CSMD1: variants seen among roughly 807,000 people sequenced by gnomAD.
The protein encoded by CSMD1 is CUB and Sushi multiple domains 1, also known as CUB and sushi domain-containing protein 1.
CSMD1 carries 213 observed loss-of-function variants against 417.5 expected under a neutral mutation model. The observed-to-expected ratio is 0.51, with a 90% confidence interval of 0.46 to 0.57. CSMD1 has a LOEUF of 0.57. CSMD1 is among the 20% of genes least tolerant of loss of function. CSMD1 has a pLI of 0.00. For missense variants in CSMD1, 6,923 were observed against 4,529.7 expected, an observed-to-expected ratio of 1.53 and a Z score of -15.17; for synonymous variants, 2,862 against 1,736.8, an observed-to-expected ratio of 1.65 and a Z score of -16.11.
intron 8 of CSMD1, among the ~76,000 whole-genome samples, chr8:3,615,863 G>C (rs961943838): frequency 1.3e-5 from 2 of 151,962 alleles, no homozygotes; most frequent in Non-Finnish European, 2.9e-5. Context: ...CATCCATCTT[G>C]TAAGATGGAA....
chr8:4,278,043 A>G (rs1796583088), intron 3 of CSMD1, among the ~76,000 whole-genome samples: 1 of 152,088 alleles, frequency 6.6e-6, no homozygotes, highest in Non-Finnish European at 1.5e-5. Context: ...CACGGCGCCC[A>G]ACCCCCTTTC....
intron 5 of CSMD1, among the ~76,000 whole-genome samples, chr8:3,782,727 G>A (rs1799249347): frequency 6.6e-6 from 1 of 152,172 alleles, no homozygotes; most frequent in Non-Finnish European, 1.5e-5. Flanking sequence ...GGAGCTGGGT[G>A]TTGGTGATAC....
At chr8:3,767,828 G>C (rs552489054) in intron 5 of CSMD1, among the ~76,000 whole-genome samples, 1 of 152,086 alleles carries the variant, frequency 6.6e-6, no homozygotes, top group South Asian at 2.1e-4. Context: ...GCAGCCTTGC[G>C]GGTGGAAATG....
rs549287115 is a variant in CSMD1 at position 3,134,281 on chromosome 8, G to T, written c.6241+8184C>A. On this transcript the variant is annotated intron_variant, in intron 41 of 69. Transcript: ENST00000635120. ...AGGGCAAGGGTTCTGATGTCCGGAGGCCGTGATGTTAGGCAGTTCCTGAAC... is the reference window on the plus strand; with the variant it reads ...AGGGCAAGGGTTCTGATGTCCGGAGTCCGTGATGTTAGGCAGTTCCTGAAC... Among the ~76,000 whole-genome samples, 3 of 152,340 alleles carry T rather than the reference G, an allele frequency of 2.0e-5. No individual in the cohort carries two copies. The South Asian group carries it at 6.2e-4, about 32-fold the overall frequency.
intron 68 of CSMD1, among the ~76,000 whole-genome samples, chr8:2,946,234 C>T (rs1452246416): frequency 3.3e-5 from 5 of 152,170 alleles, no homozygotes; most frequent in Admixed American, 1.3e-4. Context: ...TTATGCGATG[C>T]GTGACTGTCC....
At chr8:4,667,455 A>AT (rs1172518898) in intron 1 of CSMD1, among the ~76,000 whole-genome samples, 3 of 152,124 alleles carry the variant, frequency 2.0e-5, no homozygotes, top group African/African-American at 7.2e-5. Context: ...AAAAAAAGAA[A>AT]CTGATGTCTT....
intron 3 of CSMD1, among the ~76,000 whole-genome samples, chr8:4,348,815 G>C (rs1246669443): frequency 6.6e-6 from 1 of 152,104 alleles, no homozygotes; most frequent in Non-Finnish European, 1.5e-5. Context: ...ATTCTTCCAA[G>C]ACCCAGTTAA....
chr8:4,279,176 C>A (rs950417902), intron 3 of CSMD1, among the ~76,000 whole-genome samples: 1 of 152,038 alleles, frequency 6.6e-6, no homozygotes, highest in Admixed American at 6.6e-5. Context: ...TGCCAAGCTT[C>A]GTCTGTCTCT....
intron 1 of CSMD1, among the ~76,000 whole-genome samples, chr8:4,900,230 C>A (rs185810058): frequency 6.6e-6 from 1 of 152,116 alleles, no homozygotes; most frequent in Non-Finnish European, 1.5e-5. Flanking sequence ...TATCTCCAAC[C>A]TCCCTTCGAG....
At chr8:4,293,195 G>T (rs1451364718) in intron 3 of CSMD1, among the ~76,000 whole-genome samples, 1 of 152,044 alleles carries the variant, frequency 6.6e-6, no homozygotes, top group Admixed American at 6.6e-5. Context: ...GGCACAGAGA[G>T]AGGAAGAGAG....
At chr8:3,687,507 C>G (rs761408071) in intron 7 of CSMD1, among the ~76,000 whole-genome samples, 19 of 152,198 alleles carry the variant, frequency 1.2e-4, no homozygotes, top group African/African-American at 3.9e-4. Flanking sequence ...GCAACCATCT[C>G]AATTTTAATT....
chr8:4,321,188 G>C (rs927228587), intron 3 of CSMD1, among the ~76,000 whole-genome samples: 1 of 152,006 alleles, frequency 6.6e-6, no homozygotes, highest in East Asian at 1.9e-4. Flanking sequence ...CAAAGTGTAG[G>C]GTTCAACATG....
intron 1 of CSMD1, among the ~76,000 whole-genome samples, chr8:4,865,541 G>C (rs959405618): frequency 3.3e-5 from 5 of 151,900 alleles, no homozygotes; most frequent in Non-Finnish European, 7.4e-5. Flanking sequence ...ACTTGGAGAA[G>C]AATGTCGCTC....
intron 10 of CSMD1, among the ~76,000 whole-genome samples, chr8:3,564,682 C>G (rs1384149640): frequency 2.0e-5 from 3 of 151,926 alleles, no homozygotes; most frequent in Non-Finnish European, 4.4e-5. Context: ...ATAAGAAAAT[C>G]AATCCAGCAG....
intron 1 of CSMD1, among the ~76,000 whole-genome samples, chr8:4,698,329 CT>C (rs1458673969): frequency 6.6e-6 from 1 of 152,002 alleles, no homozygotes; most frequent in Non-Finnish European, 1.5e-5. Flanking sequence ...GCTCATGGAA[CT>C]TAAAGATGAT....
chr8:3,890,153 T>G (rs2129126720), intron 5 of CSMD1, among the ~76,000 whole-genome samples: 1 of 152,324 alleles, frequency 6.6e-6, no homozygotes, highest in East Asian at 1.9e-4. Context: ...GGACTAGTGC[T>G]TCTTTTGTAG....
At chr8:3,092,098 GA>G (rs2129008598) in intron 47 of CSMD1, among the ~76,000 whole-genome samples, 1 of 152,156 alleles carries the variant, frequency 6.6e-6, no homozygotes, top group South Asian at 2.1e-4. Context: ...ATATTTCTAT[GA>G]ACCCTAGCAC....
At chr8:2,997,976 A>T in intron 54 of CSMD1, 35 bp downstream of exon 54, 1 of 1,597,472 alleles carries the variant, frequency 6.3e-7, no homozygotes, top group Non-Finnish European at 8.5e-7. Flanking sequence ...GAACACTCTC[A>T]GAGCAAAGGG....
chr8:4,905,106 G>C (rs893675045), intron 1 of CSMD1, among the ~76,000 whole-genome samples: 2 of 152,006 alleles, frequency 1.3e-5, no homozygotes. Context: ...TGTATTTTTA[G>C]TGCTCTATAT....
Sources: gnomAD v4.1 joint callset for allele counts (sites outside exome capture counted in the v4.1 genomes callset) on GRCh38, gnomAD v4.1.1 for gene constraint, MANE v1.5 for transcripts, NCBI Gene and HGNC (gene_info 2026-07-23, HGNC 2026-07-21) for gene names.